EBF2: variants seen among roughly 807,000 people sequenced by gnomAD.
EBF2 encodes the protein EBF transcription factor 2.
A neutral mutation model predicts 72.8 loss-of-function variants in EBF2; 21 were observed. That is an observed-to-expected ratio of 0.29 (90% CI 0.20 to 0.42). The LOEUF (loss-of-function observed/expected upper bound fraction) is 0.42, where lower values mean the gene tolerates loss of function less well. EBF2 is among the 10% of genes least tolerant of loss of function. The pLI is 1.00. For missense variants in EBF2, 637 were observed against 731.2 expected, an observed-to-expected ratio of 0.87 and a Z score of 1.49; for synonymous variants, 299 against 274.2, an observed-to-expected ratio of 1.09 and a Z score of -0.89.
chr8:25,949,078 A>T (rs1585205322), intron 6 of EBF2, among the ~76,000 whole-genome samples: 1 of 151,884 alleles, frequency 6.6e-6, no homozygotes, highest in Admixed American at 6.6e-5. Flanking sequence ...AATGCCTACC[A>T]TATGCCAAGC....
intron 6 of EBF2, among the ~76,000 whole-genome samples, chr8:26,017,449 G>A (rs1443715860): frequency 2.3e-4 from 35 of 152,242 alleles, no homozygotes; most frequent in Admixed American, 2.2e-3. Context: ...GAGCAAAGGG[G>A]CTGTTCCTAG....
chr8:25,846,118 C>T (rs1401620006), intron 15 of EBF2, among the ~76,000 whole-genome samples: 1 of 152,180 alleles, frequency 6.6e-6, no homozygotes, highest in Non-Finnish European at 1.5e-5. Flanking sequence ...GCCTGTATTA[C>T]TATATATTGA....
intron 6 of EBF2, among the ~76,000 whole-genome samples, chr8:26,007,370 C>G (rs1340417799): frequency 2.0e-5 from 3 of 152,096 alleles, no homozygotes; most frequent in African/African-American, 4.8e-5. Flanking sequence ...ACTTTGGTAT[C>G]GGGTCCCACT....
intron 6 of EBF2, among the ~76,000 whole-genome samples, chr8:25,944,182 G>A (rs1803726827): frequency 6.6e-6 from 1 of 152,218 alleles, no homozygotes; most frequent in Admixed American, 6.5e-5. Context: ...AGCTCTGGAA[G>A]GAGCTACGAG....
At chr8:26,002,295 A>AC (rs1322191798) in intron 6 of EBF2, among the ~76,000 whole-genome samples, 1 of 152,096 alleles carries the variant, frequency 6.6e-6, no homozygotes, top group Non-Finnish European at 1.5e-5. Context: ...GACGAATTTT[A>AC]TTTTGTTGCT....
At chr8:25,928,024 A>G (rs1303782179) in intron 6 of EBF2, among the ~76,000 whole-genome samples, 1 of 152,210 alleles carries the variant, frequency 6.6e-6, no homozygotes, top group Non-Finnish European at 1.5e-5. Context: ...GATAAGGAAC[A>G]CGGCTTGTCT....
intron 14 of EBF2, among the ~76,000 whole-genome samples, chr8:25,851,617 C>T (rs562164756): frequency 6.6e-6 from 1 of 152,260 alleles, no homozygotes; most frequent in Non-Finnish European, 1.5e-5. Flanking sequence ...AAGGGCAAAA[C>T]TCTTAAATAT....
At chr8:25,908,585 T>TC in intron 6 of EBF2, 30 bp from the exon 7 acceptor site, 1 of 1,449,548 alleles carries the variant, frequency 6.9e-7, no homozygotes, top group Non-Finnish European at 9.7e-7. Context: ...TGTTACATTT[T>TC]TCAGTAAACA....
In EBF2 at chr8:25,941,740, G is replaced by A. The variant is rs539626072; in HGVS notation, c.552-33185C>T. On this transcript the variant is annotated intron_variant, in intron 6 of 15. Transcript: ENST00000520164. ...ACCACTGGCTGCTGTCAGAGAGCCC[G>A]ACCCACACCCATACCTGCCCCTACA... is the stretch of plus-strand genomic sequence containing the variant. Among the ~76,000 whole-genome samples the A allele has an allele frequency of 7.2e-5, 11 of 152,094 alleles. No homozygotes were observed. The East Asian group carries it at 9.7e-4, about 13-fold the overall frequency.
At chr8:25,935,585 C>T (rs1053416991) in intron 6 of EBF2, among the ~76,000 whole-genome samples, 1 of 152,142 alleles carries the variant, frequency 6.6e-6, no homozygotes, top group Non-Finnish European at 1.5e-5. Flanking sequence ...GGCACATTGC[C>T]TTTCTTGTTT....
chr8:25,913,820 A>G (rs1803169262), intron 6 of EBF2, among the ~76,000 whole-genome samples: 1 of 152,204 alleles, frequency 6.6e-6, no homozygotes, highest in Non-Finnish European at 1.5e-5. Flanking sequence ...ACGTGTGTTC[A>G]TTGATTTTGC....
intron 6 of EBF2, among the ~76,000 whole-genome samples, chr8:25,974,907 T>C (rs1159893046): frequency 6.6e-6 from 1 of 152,202 alleles, no homozygotes; most frequent in Non-Finnish European, 1.5e-5. Context: ...AGATCCCTGA[T>C]AGCTCATCCA....
At chr8:25,884,834 A>G (rs1449620857) in intron 10 of EBF2, among the ~76,000 whole-genome samples, 1 of 152,200 alleles carries the variant, frequency 6.6e-6, no homozygotes, top group Admixed American at 6.5e-5. Flanking sequence ...TTGAATAAAT[A>G]GACCCAAAAA....
chr8:26,042,397 G>C (rs1805618531), intron 1 of EBF2, 146 bp from the exon 2 acceptor site: 1 of 1,062,240 alleles, frequency 9.4e-7, no homozygotes, highest in Non-Finnish European at 1.3e-6. Context: ...TTTCCAATTC[G>C]GATAAGGAAG....
At chr8:25,844,873 G>A (rs1487835606) in intron 15 of EBF2, among the ~76,000 whole-genome samples, 2 of 152,188 alleles carry the variant, frequency 1.3e-5, no homozygotes, top group East Asian at 3.9e-4. Context: ...ATGAAGTTTT[G>A]CCTGGGAGGC....
At position 25,932,892 on chromosome 8, in the gene EBF2, T is replaced by A. The variant is rs542332801; in HGVS notation, c.552-24337A>T. On this transcript the variant is annotated intron_variant, in intron 6 of 15. Transcript: ENST00000520164. ...CAGCTGTTATTTGACCTGGTAATAT[T>A]TTTTTTAATCTGTTGCTGTTCCCAG... Among the ~76,000 whole-genome samples the A allele has an allele frequency of 1.1e-3, 161 of 152,214 alleles. 2 individuals are homozygous for A. The highest frequency in any genetic ancestry group is 2.9e-3 in the South Asian group (14 of 4,814).
intron 6 of EBF2, among the ~76,000 whole-genome samples, chr8:25,932,435 A>T (rs1803500441): frequency 6.6e-6 from 1 of 151,328 alleles, no homozygotes; most frequent in Admixed American, 6.6e-5. Flanking sequence ...TGGAGCAGAC[A>T]TTAAATTGAT....
intron 6 of EBF2, among the ~76,000 whole-genome samples, chr8:26,018,128 C>A (rs991365567): frequency 1.3e-5 from 2 of 148,734 alleles, no homozygotes; most frequent in African/African-American, 4.9e-5. Context: ...TTTTTTTTCT[C>A]TCCCTTCGCA....
intron 6 of EBF2, among the ~76,000 whole-genome samples, chr8:25,922,300 TTTTATAAATCTGCA>T (rs1240929646): frequency 5.3e-5 from 8 of 152,184 alleles, no homozygotes; most frequent in African/African-American, 1.7e-4. Context: ...TTTCACAATG[TTTTATAAATCTGCA>T]TTTATAAATC....
Sources: allele counts gnomAD v4.1 joint callset (sites outside exome capture counted in the v4.1 genomes callset), GRCh38; gene constraint gnomAD v4.1.1; transcripts MANE v1.5; gene names NCBI Gene and HGNC (gene_info 2026-07-23, HGNC 2026-07-21).